Variants in RSRC1 observed in about 807,000 individuals in gnomAD.
RSRC1 encodes serine/Arginine-related protein 53.
In RSRC1, 39 loss-of-function variants were observed where a neutral mutation model predicts 49.1. That is an observed-to-expected ratio of 0.79 (90% CI 0.61 to 1.04). The LOEUF (loss-of-function observed/expected upper bound fraction) is 1.04. Among genes scored for constraint, RSRC1 ranks in the 50% least tolerant of loss-of-function variants. The probability of loss-of-function intolerance (pLI) is 0.00; values close to 1 mark genes in which losing one functional copy is unlikely to be tolerated. For missense variants in RSRC1, 388 were observed against 402.4 expected, an observed-to-expected ratio of 0.96 and a Z score of 0.31; for synonymous variants, 143 against 130.8, an observed-to-expected ratio of 1.09 and a Z score of -0.63.
At chr3:158,439,416 A>G (rs1341517593) in intron 6 of RSRC1, among the ~76,000 whole-genome samples, 1 of 152,174 alleles carries the variant, frequency 6.6e-6, no homozygotes, top group African/African-American at 2.4e-5. Context: ...AACCAACCCA[A>G]ATGTCCATCA....
intron 6 of RSRC1, among the ~76,000 whole-genome samples, chr3:158,381,639 G>T (rs541437268): frequency 2.0e-5 from 3 of 152,292 alleles, no homozygotes; most frequent in Admixed American, 6.5e-5. Context: ...AGGCTATATG[G>T]TATAGTCTGT....
intron 6 of RSRC1, among the ~76,000 whole-genome samples, chr3:158,364,606 T>C (rs532713059): frequency 6.6e-6 from 1 of 152,142 alleles, no homozygotes; most frequent in Non-Finnish European, 1.5e-5. Flanking sequence ...TTCAATGAGT[T>C]AGTATTTATA....
In RSRC1 at chr3:158,202,011, A is replaced by G. The variant is rs142527924; in HGVS notation, c.321-1061A>G. Among the ~76,000 whole-genome samples the G allele has an allele frequency of 6.6e-5, 10 of 152,120 alleles. No individual in the cohort carries two copies. In the East Asian group the frequency reaches 1.9e-3, roughly 30 times the overall value. Reference sequence around the variant, plus strand: ...ATCACATGGTTGGATTAAAATGGCAACAATTCTGTTTTGTTTGTTTTGAGA... The same window carrying G: ...ATCACATGGTTGGATTAAAATGGCAGCAATTCTGTTTTGTTTGTTTTGAGA... On this transcript the variant is annotated intron_variant, in intron 3 of 9. Transcript: ENST00000611884.
intron 5 of RSRC1, among the ~76,000 whole-genome samples, chr3:158,349,914 T>C (rs1275807216): frequency 6.6e-6 from 1 of 151,514 alleles, no homozygotes; most frequent in Non-Finnish European, 1.5e-5. Flanking sequence ...GTCAGGCTGG[T>C]TTGGAACTCC....
intron 6 of RSRC1, among the ~76,000 whole-genome samples, chr3:158,429,627 C>T (rs1029725152): frequency 6.7e-6 from 1 of 148,826 alleles, no homozygotes; most frequent in African/African-American, 2.5e-5. Flanking sequence ...TATGTGTGTG[C>T]ATATATGTAT....
intron 4 of RSRC1, among the ~76,000 whole-genome samples, chr3:158,203,665 A>G (rs1376046258): frequency 1.3e-5 from 2 of 152,190 alleles, no homozygotes; most frequent in Non-Finnish European, 2.9e-5. Flanking sequence ...GGAAAAGTAT[A>G]AAGTTGAAAC....
intron 5 of RSRC1, among the ~76,000 whole-genome samples, chr3:158,308,950 A>T (rs748434445): frequency 2.0e-5 from 3 of 151,948 alleles, no homozygotes; most frequent in Non-Finnish European, 4.4e-5. Flanking sequence ...AAATTAATGC[A>T]CTGGGTTTCC....
intron 4 of RSRC1, among the ~76,000 whole-genome samples, chr3:158,266,081 G>A (rs979809914): frequency 2.0e-5 from 3 of 152,080 alleles, no homozygotes; most frequent in Non-Finnish European, 2.9e-5. Flanking sequence ...CATACCAACA[G>A]TATAGTACAG....
chr3:158,464,200 TTCTC>T (rs1737761925), intron 7 of RSRC1, among the ~76,000 whole-genome samples: 2 of 152,248 alleles, frequency 1.3e-5, no homozygotes, highest in African/African-American at 2.4e-5. Context: ...TAACTTCTAT[TTCTC>T]TCTATTATTG....
At chr3:158,111,597 A>G (rs1714415016) in intron 1 of RSRC1, among the ~76,000 whole-genome samples, 1 of 152,174 alleles carries the variant, frequency 6.6e-6, no homozygotes, top group South Asian at 2.1e-4. Context: ...CTCTTTTGAG[A>G]TAAAGAGTTG....
chr3:158,182,234 C>T (rs1227294354), intron 3 of RSRC1, among the ~76,000 whole-genome samples: 4 of 152,088 alleles, frequency 2.6e-5, no homozygotes, highest in Non-Finnish European at 5.9e-5. Flanking sequence ...CATGCAAAGG[C>T]CAAACGTCAG....
intron 3 of RSRC1, among the ~76,000 whole-genome samples, chr3:158,152,723 C>T (rs1450103773): frequency 5.3e-5 from 8 of 152,054 alleles, no homozygotes; most frequent in Non-Finnish European, 8.8e-5. Flanking sequence ...ATTTCTTCTT[C>T]CCAGAAGTAA....
chr3:158,401,186 C>T (rs1733879934), intron 6 of RSRC1, among the ~76,000 whole-genome samples: 1 of 151,966 alleles, frequency 6.6e-6, no homozygotes, highest in African/African-American at 2.4e-5. Context: ...GAAATTCTAG[C>T]AACATATTTC....
intron 7 of RSRC1, among the ~76,000 whole-genome samples, chr3:158,507,695 G>GC (rs1421828237): frequency 6.6e-6 from 1 of 152,048 alleles, no homozygotes; most frequent in African/African-American, 2.4e-5. Flanking sequence ...ATTCTCTATT[G>GC]TTTAAAAAAA....
At chr3:158,534,418 A>G (rs1311315675) in intron 7 of RSRC1, among the ~76,000 whole-genome samples, 1 of 151,648 alleles carries the variant, frequency 6.6e-6, no homozygotes, top group Non-Finnish European at 1.5e-5. Context: ...ACCACTTATT[A>G]CTATTGTTAA....
At position 158,139,335 on chromosome 3, in the gene RSRC1, G is replaced by A. The variant is rs141555772; in HGVS notation, c.320+15344G>A. Among the ~76,000 whole-genome samples, 1,123 of 152,126 alleles carry A rather than the reference G, an allele frequency of 7.4e-3. 19 individuals are homozygous for A. The highest frequency in any genetic ancestry group is 0.025 in the African/African-American group (1,051 of 41,492). ...GCAGGAGAATCACTTGAACCTGGGC[G>A]GTGGAGGTTGCAGTGAGCTGAGATC... On this transcript the variant is annotated intron_variant, in intron 3 of 9. Coordinates refer to ENST00000611884, the MANE Select transcript of RSRC1 (RefSeq NM_001271838.2).
chr3:158,515,865 A>G (rs1173189855), intron 7 of RSRC1, among the ~76,000 whole-genome samples: 1 of 151,924 alleles, frequency 6.6e-6, no homozygotes, highest in Non-Finnish European at 1.5e-5. Flanking sequence ...TCCATCGCTG[A>G]TACCCTTTCT....
In RSRC1 at chr3:158,142,251, A is replaced by G. The variant is rs548632183; in HGVS notation, c.320+18260A>G. ...TTTGTTTCTTTATATATATCTCCCT[A>G]GTTTTTCTAATTGTTGATCTTTGTT... On this transcript the variant is annotated intron_variant, in intron 3 of 9. Transcript: ENST00000611884. Among the ~76,000 whole-genome samples the G allele has an allele frequency of 2.8e-4, 43 of 152,276 alleles. No individual in the cohort carries two copies. In the South Asian group the frequency reaches 8.7e-3, roughly 31 times the overall value.
At chr3:158,227,140 C>G (rs953577502) in intron 4 of RSRC1, among the ~76,000 whole-genome samples, 1 of 151,810 alleles carries the variant, frequency 6.6e-6, no homozygotes, top group Non-Finnish European at 1.5e-5. Flanking sequence ...CCTCCTTTAA[C>G]CAATTTTCAA....
Sources: allele counts gnomAD v4.1 joint callset (sites outside exome capture counted in the v4.1 genomes callset), GRCh38; gene constraint gnomAD v4.1.1; transcripts MANE v1.5; gene names NCBI Gene and HGNC (gene_info 2026-07-23, HGNC 2026-07-21).